Variants in VPS36 observed in about 807,000 individuals in gnomAD.
The protein encoded by VPS36 is vacuolar protein sorting 36 homolog.
A neutral mutation model predicts 63.5 loss-of-function variants in VPS36; 31 were observed. That is an observed-to-expected ratio of 0.49 (90% CI 0.37 to 0.66). The LOEUF is 0.66. VPS36 is among the 30% of genes least tolerant of loss of function. VPS36 has a pLI of 0.00. For missense variants in VPS36, 338 were observed against 463.7 expected (o/e 0.73, Z 2.49); for synonymous variants, 138 against 157.2 (o/e 0.88, Z 0.91).
chr13:52,448,227 C>T (rs1958364252), intron 1 of VPS36, among the ~76,000 whole-genome samples: 1 of 152,158 alleles, frequency 6.6e-6, no homozygotes, highest in African/African-American at 2.4e-5. Flanking sequence ...GGACTGCAGT[C>T]CCTAGGCCAA....
At position 52,418,007 on chromosome 13, in the gene VPS36, A is replaced by T. The variant is rs1325852589; in HGVS notation, c.890T>A (p.Leu297Gln). Reference sequence around the variant, plus strand: ...GTTCCTTTACCTGAGAGGTAATTTCAGTGCTTCCAGCATCTTGCACGCATT... The same window carrying T: ...GTTCCTTTACCTGAGAGGTAATTTCTGTGCTTCCAGCATCTTGCACGCATT... ...LVNACKMLEA[L>Q]KLPLRLRVFD... The change falls in exon 11 of 14, where the codon CTG becomes CAG. Residue 297 changes from leucine to glutamine, a missense_variant. By Grantham distance (113) the Leu-to-Gln change is moderately radical. Coordinates refer to ENST00000378060, the MANE Select transcript of VPS36 (RefSeq NM_016075.4). The T allele has an allele frequency of 6.2e-7, 1 of 1,610,970 alleles. No individual in the cohort carries two copies. Among genetic ancestry groups the T allele is most frequent in the African/African-American group, 1.3e-5 (1 of 74,882 alleles).
Position 52,436,218 on chromosome 13 carries a change from A to AACACACACACACACAC in VPS36, c.351+56_351+71dup, listed in dbSNP as rs150816705. ...ACCTTCCATCATATTAACAAGCCAC[A>AACACACACACACACAC]ACACACACACACACACACACACACA... On this transcript the variant is annotated intron_variant, in intron 4 of 13. Coordinates refer to ENST00000378060, the MANE Select transcript of VPS36 (RefSeq NM_016075.4). 1,696 of 643,804 alleles carry AACACACACACACACAC rather than the reference A, an allele frequency of 2.6e-3. 29 individuals are homozygous for AACACACACACACACAC. Among genetic ancestry groups the AACACACACACACACAC allele is most frequent in the Admixed American group, 0.014 (499 of 35,594 alleles). The allele number at this position is 643,804 out of a possible 1,614,324, so 39.9% of individuals were successfully genotyped here.
chr13:52,450,563 A>T lies in VPS36; in HGVS notation c.32T>A (p.Leu11Gln), dbSNP rs769324003. Residue 11 changes from leucine to glutamine, a missense_variant, in exon 1 of 14, where the codon CTG becomes CAG. Leu to Gln is a moderately radical substitution (Grantham distance 113). Coordinates refer to ENST00000378060, the MANE Select transcript of VPS36 (RefSeq NM_016075.4). ...GATCACCAGGGTCTCGTTGATCTCC[A>T]GGAGGCCGCTGGTCCAAACGAAGCG... is the stretch of plus-strand genomic sequence containing the variant. MDRFVWTSGL[L>Q]EINETLVIQQ... 1.3e-6 allele frequency: 2 copies of T among 1,593,376 alleles called. No individual in the cohort carries two copies. Among genetic ancestry groups the T allele is most frequent in the Non-Finnish European group, 1.7e-6 (2 of 1,170,272 alleles).
At chr13:52,443,364 T>C (rs1265049936) in intron 1 of VPS36, among the ~76,000 whole-genome samples, 2 of 152,154 alleles carry the variant, frequency 1.3e-5, no homozygotes, top group East Asian at 3.9e-4. Flanking sequence ...CAATGGAGCC[T>C]TTGGGAAGTG....
At chr13:52,444,573 TAC>T (rs1018750456) in intron 1 of VPS36, among the ~76,000 whole-genome samples, 40 of 147,600 alleles carry the variant, frequency 2.7e-4, no homozygotes, top group Admixed American at 1.1e-3. Flanking sequence ...CACATATATA[TAC>T]ACACACACAT....
intron 6 of VPS36, among the ~76,000 whole-genome samples, chr13:52,431,332 C>G (rs544586929): frequency 6.6e-6 from 1 of 152,272 alleles, no homozygotes; most frequent in South Asian, 2.1e-4. Flanking sequence ...TAAGTACGCT[C>G]TTGTTAGGCA....
At chr13:52,437,388 A>T (rs542203230) in intron 3 of VPS36, among the ~76,000 whole-genome samples, 1 of 152,302 alleles carries the variant, frequency 6.6e-6, no homozygotes, top group South Asian at 2.1e-4. Flanking sequence ...GTCTGAAACA[A>T]ACCATCAAGT....
chr13:52,445,781 CA>C (rs141386443), intron 1 of VPS36, among the ~76,000 whole-genome samples: 26 of 125,368 alleles, frequency 2.1e-4, no homozygotes, highest in African/African-American at 5.8e-4. Context: ...ACTAAAAATA[CA>C]AAAAAAAAAT....
At position 52,433,743 on chromosome 13, in the gene VPS36, T is replaced by A; in HGVS notation, c.447A>T (p.Gly149=). ...SLQTNRGPQP[G]RIRAVGIVGI... is the part of the protein sequence containing the mutation. ...CTACAATTCCTACAGCCCTTATTCTTCCTGGCTGAAAAAAAAAAGAGGTAG... is the reference window on the plus strand; with the variant it reads ...CTACAATTCCTACAGCCCTTATTCTACCTGGCTGAAAAAAAAAAGAGGTAG... The change falls in exon 6 of 14, where the codon GGA becomes GGT. Residue 149 remains glycine, a synonymous_variant. Transcript: ENST00000378060. 6.3e-7 allele frequency: 1 copy of A among 1,590,962 alleles called. No individual in the cohort carries two copies. Among genetic ancestry groups the A allele is most frequent in the Non-Finnish European group, 8.5e-7 (1 of 1,173,638 alleles).
At chr13:52,418,781 A>G (rs1301087193) in intron 10 of VPS36, among the ~76,000 whole-genome samples, 2 of 152,002 alleles carry the variant, frequency 1.3e-5, no homozygotes, top group Non-Finnish European at 2.9e-5. Context: ...CTTGATTTGG[A>G]TTAACTACAT....
chr13:52,431,688 G>A (rs1279869529), intron 6 of VPS36, among the ~76,000 whole-genome samples: 2 of 151,132 alleles, frequency 1.3e-5, no homozygotes, highest in African/African-American at 2.4e-5. Context: ...GCTTGAATCC[G>A]GGAAGCAGAG....
chr13:52,450,236 A>C, intron 1 of VPS36: 2 of 1,087,314 alleles, frequency 1.8e-6, no homozygotes, highest in Non-Finnish European at 1.1e-6. Flanking sequence ...GGCGGAGGGA[A>C]GCGGCCGCGA....
In VPS36 at chr13:52,423,521, T is replaced by C. The variant is rs1958065762; in HGVS notation, c.840+53A>G. On this transcript the variant is annotated intron_variant, in intron 10 of 13. Transcript: ENST00000378060. ...TTCCTCAAATTGTATTCGGAATTTG[T>C]ATTAAGAAAATCTACATTTGGTTAA... The C allele has an allele frequency of 2.7e-6, 4 of 1,480,344 alleles. No homozygotes were observed. The South Asian group carries it at 4.6e-5, about 17-fold the overall frequency. The allele number at this position is 1,480,344 out of a possible 1,614,324, so 91.7% of individuals were successfully genotyped here.
chr13:52,450,488 A>G lies in VPS36; in HGVS notation c.96+11T>C, dbSNP rs554645948. 3.9e-5 allele frequency: 62 copies of G among 1,586,586 alleles called. No homozygotes were observed. The East Asian group carries it at 1.4e-3, about 37-fold the overall frequency. On this transcript the variant is annotated intron_variant, in intron 1 of 13. Transcript: ENST00000378060. Reference sequence around the variant, plus strand: ...CCGCCAGCCCGTTGGGAAGGTTGGCAGACGCCCTACCTTCTCCTCGCCATC... The same window carrying G: ...CCGCCAGCCCGTTGGGAAGGTTGGCGGACGCCCTACCTTCTCCTCGCCATC...
intron 8 of VPS36, 144 bp from the exon 9 acceptor site, chr13:52,426,210 G>A: frequency 9.7e-7 from 1 of 1,028,180 alleles, no homozygotes; most frequent in East Asian, 2.7e-5. Flanking sequence ...CTATAAGGGA[G>A]CAGATTTCCA....
At chr13:52,427,087 A>T (rs1036605990) in intron 7 of VPS36, 21 bp from the exon 8 acceptor site, 50 of 1,604,052 alleles carry the variant, frequency 3.1e-5, no homozygotes, top group Middle Eastern at 1.7e-4. Flanking sequence ...AAAAGTAAAG[A>T]CTGAAAAGCA....
At chr13:52,450,454 G>C (rs377497949) in intron 1 of VPS36, 45 bp downstream of exon 1, 4 of 1,557,862 alleles carry the variant, frequency 2.6e-6, no homozygotes, top group Non-Finnish European at 2.6e-6. Flanking sequence ...CGCCCACCGG[G>C]GGTCCCTTCC....
In VPS36 at chr13:52,413,140, ACT is replaced by A. The variant is rs999195643; in HGVS notation, c.*2688_*2689del. The A allele has an allele frequency of 1.3e-5, 2 of 152,596 alleles. No individual in the cohort carries two copies. Among genetic ancestry groups the A allele is most frequent in the African/African-American group, 2.4e-5 (1 of 41,448 alleles). 9.5% of individuals were successfully genotyped at this position (152,596 alleles called of 1,614,324 possible). On this transcript the variant is annotated 3_prime_UTR_variant, in exon 14 of 14. Transcript: ENST00000378060. Reference sequence around the variant, plus strand: ...GTGACTCCACTGTACCAAAATGAAGACTCTGAGACTTTTGGGCAAAAGAACCA... The same window carrying A: ...GTGACTCCACTGTACCAAAATGAAGACTGAGACTTTTGGGCAAAAGAACCA...
Sources: allele counts gnomAD v4.1 joint callset (sites outside exome capture counted in the v4.1 genomes callset), GRCh38; gene constraint gnomAD v4.1.1; transcripts MANE v1.5; gene names NCBI Gene and HGNC (gene_info 2026-07-23, HGNC 2026-07-21).